The following DPP10 variants were observed in gnomAD, a reference collection of about 807,000 sequenced individuals.
DPP10 encodes dipeptidyl peptidase like 10.
In DPP10, 33 loss-of-function variants were observed where a neutral mutation model predicts 120.9. The ratio of observed to expected loss-of-function variants is 0.27; its 90% CI spans 0.21 to 0.37. The LOEUF (loss-of-function observed/expected upper bound fraction) is 0.37. Among genes scored for constraint, DPP10 ranks in the 10% least tolerant of loss-of-function variants. The pLI is 1.00. For synonymous variants in DPP10, 337 were observed against 326.1 expected (o/e 1.03, Z -0.36); for missense variants, 816 against 942.8 (o/e 0.87, Z 1.76).
intron 1 of DPP10, among the ~76,000 whole-genome samples, chr2:115,012,725 A>C (rs1558990541): frequency 6.6e-6 from 1 of 152,160 alleles, no homozygotes; most frequent in Non-Finnish European, 1.5e-5. Context: ...TAGAGAAGGA[A>C]CCAGAAAATC....
intron 3 of DPP10, among the ~76,000 whole-genome samples, chr2:115,401,574 C>A (rs1334889292): frequency 6.6e-6 from 1 of 152,036 alleles, no homozygotes; most frequent in Non-Finnish European, 1.5e-5. Flanking sequence ...CATTGTGACA[C>A]CCTGCCTGTA....
chr2:115,129,646 A>C (rs2050241846), intron 1 of DPP10, among the ~76,000 whole-genome samples: 1 of 152,138 alleles, frequency 6.6e-6, no homozygotes. Context: ...GTCATTTGCC[A>C]AAGTATATTC....
chr2:114,808,480 C>G (rs1378805468), intron 1 of DPP10, among the ~76,000 whole-genome samples: 4 of 151,744 alleles, frequency 2.6e-5, no homozygotes, highest in Admixed American at 6.6e-5. Context: ...CCAATTTACA[C>G]TGCCCCCAAA....
intron 1 of DPP10, among the ~76,000 whole-genome samples, chr2:115,231,872 T>A (rs2057751060): frequency 6.6e-6 from 1 of 152,198 alleles, no homozygotes; most frequent in South Asian, 2.1e-4. Context: ...TTAGAGGATA[T>A]GAGAGTCATC....
chr2:115,294,632 A>G (rs1198051806), intron 1 of DPP10, among the ~76,000 whole-genome samples: 1 of 152,124 alleles, frequency 6.6e-6, no homozygotes, highest in Non-Finnish European at 1.5e-5. Flanking sequence ...AAAAATGACT[A>G]GGACTGCATT....
intron 1 of DPP10, among the ~76,000 whole-genome samples, chr2:115,236,392 A>G (rs2058010330): frequency 6.6e-6 from 1 of 152,196 alleles, no homozygotes. Flanking sequence ...GGAACCCAAT[A>G]GTTATCTTGT....
At chr2:114,857,101 C>A (rs1042866366) in intron 1 of DPP10, among the ~76,000 whole-genome samples, 2 of 152,166 alleles carry the variant, frequency 1.3e-5, no homozygotes, top group Admixed American at 1.3e-4. Context: ...GACCAGAATT[C>A]TAACACGGGT....
At chr2:115,352,049 G>A (rs184791735) in intron 3 of DPP10, among the ~76,000 whole-genome samples, 13 of 152,016 alleles carry the variant, frequency 8.6e-5, no homozygotes, top group Non-Finnish European at 1.6e-4. Flanking sequence ...AACACCAAGA[G>A]AGAGAAAAGG....
chr2:115,050,594 G>C (rs1449952549), intron 1 of DPP10, among the ~76,000 whole-genome samples: 5 of 152,092 alleles, frequency 3.3e-5, no homozygotes, highest in African/African-American at 1.2e-4. Flanking sequence ...AGGATGAAAG[G>C]CTGGAGATTG....
At chr2:115,456,040 A>G (rs2073506534) in intron 3 of DPP10, among the ~76,000 whole-genome samples, 1 of 152,062 alleles carries the variant, frequency 6.6e-6, no homozygotes, top group Non-Finnish European at 1.5e-5. Flanking sequence ...AGCCTACAGA[A>G]TGGGAGAAAA....
intron 1 of DPP10, among the ~76,000 whole-genome samples, chr2:114,602,131 A>G (rs575515080): frequency 6.6e-6 from 1 of 152,024 alleles, no homozygotes; most frequent in East Asian, 1.9e-4. Context: ...GAAAATACCA[A>G]TGGTATTTTT....
At chr2:115,627,161 G>A (rs919338967) in intron 5 of DPP10, among the ~76,000 whole-genome samples, 1 of 152,042 alleles carries the variant, frequency 6.6e-6, no homozygotes, top group Non-Finnish European at 1.5e-5. Flanking sequence ...TAAAAAGAAA[G>A]ACAAAAATGG....
At chr2:114,648,715 C>T (rs551927758) in intron 1 of DPP10, among the ~76,000 whole-genome samples, 160 of 152,270 alleles carry the variant, frequency 1.1e-3, no homozygotes, top group Non-Finnish European at 1.8e-3. Flanking sequence ...AAGAAATGGT[C>T]TAGATACTTA....
chr2:114,980,388 T>A (rs975779878), intron 1 of DPP10, among the ~76,000 whole-genome samples: 6 of 152,084 alleles, frequency 3.9e-5, no homozygotes, highest in African/African-American at 1.2e-4. Context: ...GTCACAAATC[T>A]TCTGTTCTCT....
At chr2:115,482,237 A>T (rs2075479037) in intron 3 of DPP10, among the ~76,000 whole-genome samples, 2 of 151,772 alleles carry the variant, frequency 1.3e-5, no homozygotes. Context: ...TTTAAAAATA[A>T]TTTTTATTGT....
At chr2:115,785,401 G>T (rs1263444819) in intron 17 of DPP10, among the ~76,000 whole-genome samples, 3 of 152,182 alleles carry the variant, frequency 2.0e-5, no homozygotes, top group Non-Finnish European at 4.4e-5. Flanking sequence ...ATTAGCTTCA[G>T]TAGGATTAGT....
At chr2:114,795,045 G>A (rs190497331) in intron 1 of DPP10, among the ~76,000 whole-genome samples, 4 of 152,108 alleles carry the variant, frequency 2.6e-5, no homozygotes, top group African/African-American at 9.6e-5. Flanking sequence ...TTACTTTCAG[G>A]GTCATGACTT....
intron 1 of DPP10, among the ~76,000 whole-genome samples, chr2:115,119,064 T>C (rs1318367997): frequency 6.6e-6 from 1 of 152,170 alleles, no homozygotes; most frequent in East Asian, 1.9e-4. Context: ...TTTCATACAT[T>C]GGCATTCATC....
intron 3 of DPP10, among the ~76,000 whole-genome samples, chr2:115,465,278 A>G (rs558127830): frequency 4.6e-4 from 70 of 152,240 alleles, no homozygotes; most frequent in African/African-American, 1.6e-3. Context: ...CGGTTATCCT[A>G]TTACGCATGT....
Sources: gnomAD v4.1 joint callset for allele counts (sites outside exome capture counted in the v4.1 genomes callset) on GRCh38, gnomAD v4.1.1 for gene constraint, MANE v1.5 for transcripts, NCBI Gene and HGNC (gene_info 2026-07-23, HGNC 2026-07-21) for gene names.